FAM234A: variants seen among roughly 807,000 people sequenced by gnomAD.
The protein encoded by FAM234A is protein FAM234A.
In FAM234A, 42 loss-of-function variants were observed where a neutral mutation model predicts 49.1. The observed-to-expected ratio is 0.86, with a 90% CI of 0.67 to 1.11. The LOEUF is 1.11. Ranked by LOEUF, FAM234A falls within the 50% of genes least tolerant of loss-of-function variation. The pLI is 0.00. For missense variants in FAM234A, 815 were observed against 745.2 expected, an observed-to-expected ratio of 1.09 and a Z score of -1.09; for synonymous variants, 369 against 316.2, an observed-to-expected ratio of 1.17 and a Z score of -1.77.
intron 1 of FAM234A, among the ~76,000 whole-genome samples, chr16:239,584 C>A (rs2050539959): frequency 6.8e-6 from 1 of 147,684 alleles, no homozygotes; most frequent in Non-Finnish European, 1.5e-5. Flanking sequence ...CACTGCACTC[C>A]AGCCTGGGTG....
intron 1 of FAM234A, among the ~76,000 whole-genome samples, chr16:235,979 C>T (rs1295941084): frequency 1.3e-5 from 2 of 150,918 alleles, no homozygotes; most frequent in African/African-American, 4.9e-5. Context: ...ATGGTGAAAT[C>T]CCGTCTCTAC....
intron 1 of FAM234A, among the ~76,000 whole-genome samples, chr16:246,336 T>C (rs2050803217): frequency 6.8e-6 from 1 of 147,112 alleles, no homozygotes; most frequent in African/African-American, 2.5e-5. Context: ...TGGAGCACAG[T>C]GGTGCAGTCT....
In FAM234A at chr16:254,515, C is replaced by A; in HGVS notation, c.102C>A (p.Asn34Lys). 1 of 1,614,040 alleles carries A rather than the reference C, an allele frequency of 6.2e-7. No individual in the cohort carries two copies. The highest frequency in any genetic ancestry group is 8.5e-7 in the Non-Finnish European group (1 of 1,179,972). ...GAAATCCATCAAAAAATGAGGATAA[C>A]GTGAAAAGCGCGCCTCCACAGTCCC... ...NLGNPSKNED[N>K]VKSAPPQSRL... The change falls in exon 3 of 13, where the codon AAC becomes AAA. Residue 34 changes from asparagine (N) to lysine (K), a missense_variant. By Grantham distance (94) the Asn-to-Lys change is moderately conservative (BLOSUM62 0). Coordinates refer to ENST00000399932, the MANE Select transcript of FAM234A (RefSeq NM_032039.4).
intron 2 of FAM234A, among the ~76,000 whole-genome samples, chr16:253,498 G>A (rs987463038): frequency 1.3e-5 from 2 of 149,988 alleles, no homozygotes; most frequent in African/African-American, 4.9e-5. Context: ...TTTTTGAGAC[G>A]GAGTGTCACT....
chr16:244,158 T>TG (rs1217507789), intron 1 of FAM234A, among the ~76,000 whole-genome samples: 1 of 151,784 alleles, frequency 6.6e-6, no homozygotes, highest in Non-Finnish European at 1.5e-5. Flanking sequence ...TTAGTAGAGA[T>TG]GGGGTTTCAC....
intron 1 of FAM234A, among the ~76,000 whole-genome samples, chr16:241,717 A>G (rs2050621112): frequency 6.6e-6 from 1 of 152,094 alleles, no homozygotes; most frequent in Non-Finnish European, 1.5e-5. Flanking sequence ...GCAGATCGAG[A>G]CCATCCTGGC....
At chr16:268,836 C>T (rs2051788194), downstream of FAM234A, 1 of 1,550,438 alleles carries the variant, frequency 6.4e-7, no homozygotes, top group Non-Finnish European at 8.7e-7. Flanking sequence ...CCGAGACCTG[C>T]ATGTCCGCGT....
At chr16:253,906 G>A (rs1017319888) in intron 2 of FAM234A, 5 of 170,158 alleles carry the variant, frequency 2.9e-5, no homozygotes, top group Admixed American at 1.1e-4. Context: ...AAGCCTGCCC[G>A]CCCAGAGCCC....
intron 3 of FAM234A, among the ~76,000 whole-genome samples, chr16:259,044 G>A (rs997219286): frequency 5.9e-5 from 9 of 152,190 alleles, no homozygotes; most frequent in Admixed American, 4.6e-4. Context: ...GCCTCCCAAA[G>A]TGCTGGGATT....
intron 3 of FAM234A, among the ~76,000 whole-genome samples, chr16:257,053 A>C (rs1049601683): frequency 3.3e-5 from 5 of 151,134 alleles, no homozygotes; most frequent in Admixed American, 6.6e-5. Flanking sequence ...TAACTTTTGT[A>C]TTTTTAGTAG....
chr16:251,679 GTTTTT>G (rs1172222528), intron 2 of FAM234A, among the ~76,000 whole-genome samples: 2 of 91,144 alleles, frequency 2.2e-5, no homozygotes, highest in Non-Finnish European at 4.0e-5. Flanking sequence ...GCCTAGCCAG[GTTTTT>G]TTTTTTTTTT....
At position 264,806 on chromosome 16, in the gene FAM234A, T is replaced by G. The variant is rs766696586; in HGVS notation, c.1448-5T>G. 3.1e-6 allele frequency: 5 copies of G among 1,608,148 alleles called. No homozygotes were observed. The highest frequency in any genetic ancestry group is 4.2e-6 in the Non-Finnish European group (5 of 1,178,830). ...GCCCTGACAGCTGTGTCCCCCACCCTGCAGCCGTCCTGTTTGAGCCAAGCC... is the reference window on the plus strand; with the variant it reads ...GCCCTGACAGCTGTGTCCCCCACCCGGCAGCCGTCCTGTTTGAGCCAAGCC... On this transcript the variant is annotated splice_polypyrimidine_tract_variant and splice_region_variant and intron_variant, in intron 12 of 12. Coordinates refer to ENST00000399932, the MANE Select transcript of FAM234A (RefSeq NM_032039.4).
At chr16:266,238 G>T (rs982064687), downstream of FAM234A, 32 of 333,058 alleles carry the variant, frequency 9.6e-5, no homozygotes, top group Non-Finnish European at 1.3e-4. Flanking sequence ...CTGCCGAGGA[G>T]GCGAGCACCC....
In FAM234A at chr16:254,392, T is replaced by TA; in HGVS notation, c.-19dup. 6.2e-7 allele frequency: 1 copy of TA among 1,612,288 alleles called. No individual in the cohort carries two copies. Among genetic ancestry groups the TA allele is most frequent in the Non-Finnish European group, 8.5e-7 (1 of 1,178,958 alleles). On this transcript the variant is annotated 5_prime_UTR_variant, in exon 3 of 13. Coordinates refer to ENST00000399932, the MANE Select transcript of FAM234A (RefSeq NM_032039.4). ...CTTTATCGACACAGTGACCAGGAGT[T>TA]AAACTTTGGGATGTGCCCGTGATGT...
At chr16:239,636 A>C (rs2050542819) in intron 1 of FAM234A, among the ~76,000 whole-genome samples, 1 of 148,372 alleles carries the variant, frequency 6.7e-6, no homozygotes, top group Non-Finnish European at 1.5e-5. Context: ...AAAAAAATTA[A>C]CACTAATTTG....
At chr16:246,458 C>T (rs1180952223) in intron 1 of FAM234A, among the ~76,000 whole-genome samples, 13 of 115,532 alleles carry the variant, frequency 1.1e-4, no homozygotes, top group East Asian at 5.8e-4. Flanking sequence ...CTTGCTCTGT[C>T]GCCCAGGCTG....
intron 1 of FAM234A, among the ~76,000 whole-genome samples, chr16:240,486 C>T (rs557536509): frequency 2.0e-5 from 3 of 150,474 alleles, no homozygotes; most frequent in South Asian, 4.2e-4. Flanking sequence ...AGGCTTGAGC[C>T]GCTGCATCTG....
Position 265,446 on chromosome 16 carries a change from C to T in FAM234A, c.*424C>T, listed in dbSNP as rs78181985. The T allele has an allele frequency of 2.3e-3, 2,272 of 996,526 alleles. 44 individuals are homozygous for T. In the African/African-American group the frequency reaches 0.036, roughly 16 times the overall value. 61.7% of individuals were successfully genotyped at this position (996,526 alleles called of 1,614,324 possible). A position where few individuals can be genotyped will look rare whatever the true frequency, so the allele number is the denominator to read the frequency against. ...GAACCAGGGTGTCCCCGGGACAGGC[C>T]GTCCCCCACCCCATCCTGTAGAAGT... is the stretch of plus-strand genomic sequence containing the variant. On this transcript the variant is annotated 3_prime_UTR_variant, in exon 13 of 13. Transcript: ENST00000399932.
chr16:255,181 G>T (rs1314177558), intron 3 of FAM234A, among the ~76,000 whole-genome samples: 1 of 151,978 alleles, frequency 6.6e-6, no homozygotes, highest in Non-Finnish European at 1.5e-5. Context: ...GTAAAGATGG[G>T]GTTTTACCAT....
Sources: gnomAD v4.1 joint callset for allele counts (sites outside exome capture counted in the v4.1 genomes callset) on GRCh38, gnomAD v4.1.1 for gene constraint, MANE v1.5 for transcripts, NCBI Gene and HGNC (gene_info 2026-07-23, HGNC 2026-07-21) for gene names.